Variants in FAM149A observed in about 807,000 individuals in gnomAD.
FAM149A encodes the protein family with sequence similarity 149 member A.
Under a neutral mutation model 78.2 loss-of-function variants are expected in FAM149A, and 71 were observed. The ratio of observed to expected loss-of-function variants is 0.91; its 90% CI spans 0.75 to 1.11. FAM149A has a LOEUF of 1.11. Among genes scored for constraint, FAM149A ranks in the 50% least tolerant of loss-of-function variants. FAM149A has a pLI of 0.00. For synonymous variants in FAM149A, 446 were observed against 410.5 expected (o/e 1.09, Z -1.04); for missense variants, 1,036 against 971.0 (o/e 1.07, Z -0.89).
intron 8 of FAM149A, among the ~76,000 whole-genome samples, chr4:186,159,313 C>T (rs1233455295): frequency 6.6e-6 from 1 of 151,834 alleles, no homozygotes; most frequent in African/African-American, 2.4e-5. Flanking sequence ...GTTCTGATTA[C>T]AGGAGGGGGA....
intron 3 of FAM149A, 60 bp downstream of exon 3, chr4:186,149,764 C>A: frequency 8.8e-7 from 1 of 1,137,506 alleles, no homozygotes; most frequent in Non-Finnish European, 1.1e-6. Context: ...AGAGTTGCTT[C>A]CTTATATTCA....
In FAM149A at chr4:186,163,626, A is replaced by G; in HGVS notation, c.1882A>G (p.Thr628Ala). Reference sequence around the variant, plus strand: ...CTATAGTGACGAAGTTCTTCGGGGAACAAAACTGTGAGTCTCATTTCTTTC... The same window carrying G: ...CTATAGTGACGAAGTTCTTCGGGGAGCAAAACTGTGAGTCTCATTTCTTTC... The change falls in exon 10 of 14, where the codon ACA becomes GCA. Residue 628 changes from threonine to alanine, a missense_variant. Physicochemically the swap from Thr to Ala is moderately conservative, Grantham distance 58. This residue lies in a region of FAM149A where 716 missense variants were observed against 711.8 expected (regional missense o/e 1.01). Transcript: ENST00000389354. 6.2e-7 allele frequency: 1 copy of G among 1,612,930 alleles called. No individual in the cohort carries two copies. The highest frequency in any genetic ancestry group is 8.5e-7 in the Non-Finnish European group (1 of 1,179,126).
rs945224658 is a variant in FAM149A at position 186,124,247 on chromosome 4, T to C, written c.566+18605T>C. 8 of 979,064 alleles carry C rather than the reference T, an allele frequency of 8.2e-6. No homozygotes were observed. In the Middle Eastern group the frequency reaches 1.6e-3, roughly 193 times the overall value. The allele number at this position is 979,064 out of a possible 1,614,324, so 60.6% of individuals were successfully genotyped here. On this transcript the variant is annotated intron_variant, in intron 1 of 13. Coordinates refer to ENST00000389354, the MANE Select transcript of FAM149A (RefSeq NM_001367768.3). ...TTCGGTTTCTTGCCATTTTTGTTTTTTGGGTTAATTTTTCTTTCTTTTTTT... is the reference window on the plus strand; with the variant it reads ...TTCGGTTTCTTGCCATTTTTGTTTTCTGGGTTAATTTTTCTTTCTTTTTTT...
intron 1 of FAM149A, among the ~76,000 whole-genome samples, chr4:186,145,390 C>A (rs912717071): frequency 6.6e-6 from 1 of 152,156 alleles, no homozygotes; most frequent in Non-Finnish European, 1.5e-5. Flanking sequence ...CCTGGAGTGC[C>A]CCTGTGTGTC....
At chr4:186,166,600 G>A (rs1274115527) in intron 11 of FAM149A, among the ~76,000 whole-genome samples, 2 of 144,384 alleles carry the variant, frequency 1.4e-5, no homozygotes, top group African/African-American at 2.6e-5. Context: ...GCAGTGAGCC[G>A]CGATCACGCC....
chr4:186,129,118 TGA>T (rs2099319533), intron 1 of FAM149A, among the ~76,000 whole-genome samples: 1 of 148,972 alleles, frequency 6.7e-6, no homozygotes, highest in Admixed American at 6.8e-5. Context: ...TGTCTGTGTA[TGA>T]GTGTGTATGT....
chr4:186,145,660 G>C (rs769546113), intron 1 of FAM149A, among the ~76,000 whole-genome samples: 10 of 152,276 alleles, frequency 6.6e-5, no homozygotes, highest in Non-Finnish European at 1.5e-4. Context: ...CAACAAATGA[G>C]TGCAGTCTAG....
intron 1 of FAM149A, chr4:186,127,181 C>G (rs963648225): frequency 1.0e-6 from 1 of 977,698 alleles, no homozygotes; most frequent in Non-Finnish European, 1.2e-6. Context: ...CAACTCCACC[C>G]TGAGTAGCAT....
chr4:186,173,014 A>G lies in FAM149A; in HGVS notation c.*1027A>G, dbSNP rs1735623008. ...TACATTCTCAAATCTCAAATCAGCT[A>G]ATTTCCTCTTTTCTATCAGATAATT... On this transcript the variant is annotated 3_prime_UTR_variant, in exon 14 of 14. Coordinates refer to ENST00000389354, the MANE Select transcript of FAM149A (RefSeq NM_001367768.3). Among the ~76,000 whole-genome samples the G allele has an allele frequency of 2.7e-5, 3 of 112,102 alleles. 1 individual carries two copies. Among genetic ancestry groups the G allele is most frequent in the South Asian group, 2.7e-4 (1 of 3,674 alleles). 73.5% of individuals were successfully genotyped at this position (112,102 alleles called of 152,430 possible). A position where few individuals can be genotyped will look rare whatever the true frequency, so the allele number is the denominator to read the frequency against.
chr4:186,165,605 C>A, intron 11 of FAM149A, 141 bp downstream of exon 11: 1 of 789,374 alleles, frequency 1.3e-6, no homozygotes, highest in Non-Finnish European at 2.0e-6. Flanking sequence ...TAATCTGTTT[C>A]CAGAAAGTAA....
intron 1 of FAM149A, chr4:186,127,145 A>G (rs1194407437): frequency 1.0e-6 from 1 of 985,016 alleles, no homozygotes. Context: ...TGCACGGGCC[A>G]ACAGGAGCAA....
chr4:186,106,583 C>A (rs1318107913), intron 1 of FAM149A, among the ~76,000 whole-genome samples: 1 of 152,088 alleles, frequency 6.6e-6, no homozygotes, highest in Non-Finnish European at 1.5e-5. Context: ...TTTTTGCATT[C>A]ATACTGATCC....
chr4:186,134,834 G>A (rs1190534569), intron 1 of FAM149A, among the ~76,000 whole-genome samples: 1 of 152,122 alleles, frequency 6.6e-6, no homozygotes, highest in African/African-American at 2.4e-5. Flanking sequence ...TCTGGAATAC[G>A]AAGGCTTTCA....
Position 186,154,528 on chromosome 4 carries a change from C to T in FAM149A, c.1119C>T (p.Gly373=). Residue 373 remains glycine, a synonymous_variant, in exon 6 of 14, where the codon GGC becomes GGT. Coordinates refer to ENST00000389354, the MANE Select transcript of FAM149A (RefSeq NM_001367768.3). ...CACTCTCAGCCTCTGCCCTGCCAGG[C>T]CCTGATGACACAGGGGTTGCTGACC... The T allele has an allele frequency of 1.9e-6, 3 of 1,614,144 alleles. No homozygotes were observed. The highest frequency in any genetic ancestry group is 3.3e-4 in the Middle Eastern group (2 of 6,062).
intron 1 of FAM149A, among the ~76,000 whole-genome samples, chr4:186,128,779 G>A (rs1001266633): frequency 2.0e-4 from 31 of 152,166 alleles, no homozygotes; most frequent in African/African-American, 6.8e-4. Flanking sequence ...AGCATTGTAT[G>A]TCTGTGTGTG....
Position 186,137,003 on chromosome 4 carries a change from TC to T in FAM149A, c.567-12169del, listed in dbSNP as rs1323333832. Among the ~76,000 whole-genome samples the T allele has an allele frequency of 4.1e-3, 582 of 142,424 alleles. 10 individuals carry two copies. Among genetic ancestry groups the T allele is most frequent in the African/African-American group, 0.014 (560 of 38,704 alleles). The allele number at this position is 142,424 out of a possible 152,430, so 93.4% of individuals were successfully genotyped here. A position where few individuals can be genotyped will look rare whatever the true frequency, so the allele number is the denominator to read the frequency against. On this transcript the variant is annotated intron_variant, in intron 1 of 13. Transcript: ENST00000389354. ...CTCTCTCTCTCTCTCTCTCTCTCTC[TC>T]TCTCTCTCTCTCTCTAAGTGCTTAA...
chr4:186,157,896 A>G lies in FAM149A; in HGVS notation c.1575+177A>G, dbSNP rs773940699. On this transcript the variant is annotated intron_variant, in intron 8 of 13. Coordinates refer to ENST00000389354, the MANE Select transcript of FAM149A (RefSeq NM_001367768.3). Reference sequence around the variant, plus strand: ...AAAGGGAAACCTTCACAGTGTCACAATGCCTGGAGACCTGGACGTCCTGCC... The same window carrying G: ...AAAGGGAAACCTTCACAGTGTCACAGTGCCTGGAGACCTGGACGTCCTGCC... 67 of 1,535,068 alleles carry G rather than the reference A, an allele frequency of 4.4e-5. No homozygotes were observed. In the Admixed American group the frequency reaches 5.3e-4, roughly 12 times the overall value.
Position 186,162,634 on chromosome 4 carries a change from C to A in FAM149A, c.1576-211C>A, listed in dbSNP as rs76661995. ...TTGGGCCAGGTGTGCTCAATGTCCC[C>A]ACTGTTAGGAGCCTTGGGGAATTAA... On this transcript the variant is annotated intron_variant, in intron 8 of 13. Transcript: ENST00000389354. Among the ~76,000 whole-genome samples the A allele has an allele frequency of 4.9e-3, 752 of 152,256 alleles. 7 individuals are homozygous for A. The highest frequency in any genetic ancestry group is 0.017 in the African/African-American group (719 of 41,532).
intron 1 of FAM149A, chr4:186,117,536 T>G: frequency 1.0e-6 from 1 of 985,398 alleles, no homozygotes; most frequent in Non-Finnish European, 1.2e-6. Context: ...GTGGGGCACA[T>G]GGACACCTGG....
Sources: gnomAD v4.1 joint callset for allele counts (sites outside exome capture counted in the v4.1 genomes callset) on GRCh38, gnomAD v4.1.1 for gene constraint, gnomAD v4.1.1 regional missense constraint, MANE v1.5 for transcripts, NCBI Gene and HGNC (gene_info 2026-07-23, HGNC 2026-07-21) for gene names.